MITF: variants seen among roughly 807,000 people sequenced by gnomAD.
MITF encodes the protein melanocyte inducing transcription factor, also known as microphthalmia-associated transcription factor.
In MITF, 17 loss-of-function variants were observed where a neutral mutation model predicts 60.5. The ratio of observed to expected loss-of-function variants is 0.28; its 90% CI spans 0.19 to 0.42. The LOEUF (loss-of-function observed/expected upper bound fraction) is 0.42, where lower values mean the gene tolerates loss of function less well. Among genes scored for constraint, MITF ranks in the 10% least tolerant of loss-of-function variants. MITF has a pLI of 1.00. For missense variants in MITF, 622 were observed against 683.5 expected (o/e 0.91, Z 1.00); for synonymous variants, 260 against 248.5 (o/e 1.05, Z -0.43).
At chr3:69,744,345 A>AT (rs372155531) in intron 1 of MITF, among the ~76,000 whole-genome samples, 3,034 of 120,972 alleles carry the variant, frequency 0.025, 94 homozygotes, top group African/African-American at 0.081. Flanking sequence ...AGTTTTCTTG[A>AT]TTTTTTTTTT....
intron 6 of MITF, among the ~76,000 whole-genome samples, chr3:69,949,687 GA>G (rs967365094): frequency 1.3e-5 from 2 of 152,148 alleles, no homozygotes; most frequent in African/African-American, 2.4e-5. Context: ...ACACAGAGGG[GA>G]AAAAATTATA....
At chr3:69,812,307 A>G (rs1205652203) in intron 1 of MITF, among the ~76,000 whole-genome samples, 2 of 152,098 alleles carry the variant, frequency 1.3e-5, no homozygotes, top group Non-Finnish European at 1.5e-5. Context: ...TGAAAAAAAA[A>G]TAGATTATAG....
chr3:69,785,329 T>G (rs995882943), intron 1 of MITF, among the ~76,000 whole-genome samples: 2 of 152,152 alleles, frequency 1.3e-5, no homozygotes, highest in African/African-American at 4.8e-5. Context: ...TTACTGATGC[T>G]TCCCATGTGC....
chr3:69,756,120 G>T (rs757010610), intron 1 of MITF, among the ~76,000 whole-genome samples: 2 of 151,918 alleles, frequency 1.3e-5, no homozygotes, highest in Non-Finnish European at 1.5e-5. Context: ...TGGGGTATAT[G>T]TGGCAAGTTT....
intron 2 of MITF, among the ~76,000 whole-genome samples, chr3:69,888,655 A>C (rs1487911993): frequency 1.3e-5 from 2 of 152,114 alleles, no homozygotes; most frequent in Admixed American, 1.3e-4. Flanking sequence ...GTTGATTTAA[A>C]ATAATGCCTG....
At position 69,954,053 on chromosome 3, in the gene MITF, T is replaced by C. The variant is rs974351367; in HGVS notation, c.955+2167T>C. Among the ~76,000 whole-genome samples the C allele has an allele frequency of 2.6e-5, 4 of 152,202 alleles. No homozygotes were observed. The East Asian group carries it at 7.7e-4, about 29-fold the overall frequency. ...TTACTTTTTCTTTAATACACCTTTG[T>C]ATTTTTTGAAATTTTTTACTAGCTT... is the stretch of plus-strand genomic sequence containing the variant. On this transcript the variant is annotated intron_variant, in intron 7 of 9. Transcript: ENST00000352241.
chr3:69,875,759 T>C (rs13315220), intron 1 of MITF, among the ~76,000 whole-genome samples: 5,068 of 152,328 alleles, frequency 0.033, 265 homozygotes, highest in African/African-American at 0.11. Context: ...CAGATATCCT[T>C]GTTTTTGTCT....
intron 1 of MITF, among the ~76,000 whole-genome samples, chr3:69,834,715 G>A (rs1418996285): frequency 6.6e-6 from 1 of 152,030 alleles, no homozygotes; most frequent in Non-Finnish European, 1.5e-5. Context: ...GGATTATATG[G>A]TAGTTATATT....
At position 69,854,128 on chromosome 3, in the gene MITF, G is replaced by A. The variant is rs149278628; in HGVS notation, c.105-25006G>A. Among the ~76,000 whole-genome samples, 828 of 152,164 alleles carry A rather than the reference G, an allele frequency of 5.4e-3. 8 individuals carry two copies. Among genetic ancestry groups the A allele is most frequent in the Middle Eastern group, 0.014 (4 of 294 alleles). On this transcript the variant is annotated intron_variant, in intron 1 of 9. Transcript: ENST00000352241. ...CTCCCAAAGTGCTGGGATTACAGGC[G>A]TGAGCCACCGAGCCCAGCTGATCAC...
At chr3:69,904,842 A>G (rs923002564) in intron 2 of MITF, among the ~76,000 whole-genome samples, 2 of 152,138 alleles carry the variant, frequency 1.3e-5, no homozygotes, top group African/African-American at 4.8e-5. Context: ...TCCTTTGTAA[A>G]ATGGGAATAA....
At chr3:69,840,355 T>C (rs1172974243) in intron 1 of MITF, among the ~76,000 whole-genome samples, 1 of 152,168 alleles carries the variant, frequency 6.6e-6, no homozygotes, top group African/African-American at 2.4e-5. Context: ...ATCCATCGTG[T>C]CACATATACA....
intron 1 of MITF, among the ~76,000 whole-genome samples, chr3:69,878,242 CAG>C (rs2064399291): frequency 6.6e-6 from 1 of 152,082 alleles, no homozygotes; most frequent in African/African-American, 2.4e-5. Context: ...GATACTAAGA[CAG>C]AGAGAGATTT....
At chr3:69,944,234 T>C (rs1327488191) in intron 5 of MITF, among the ~76,000 whole-genome samples, 2 of 152,190 alleles carry the variant, frequency 1.3e-5, no homozygotes, top group African/African-American at 4.8e-5. Flanking sequence ...TTTATGGATA[T>C]GCCTAATAGG....
chr3:69,884,906 C>G (rs1047939157), intron 2 of MITF, among the ~76,000 whole-genome samples: 2 of 152,114 alleles, frequency 1.3e-5, no homozygotes, highest in African/African-American at 4.8e-5. Flanking sequence ...AAATATTCAG[C>G]CTTTACACAA....
chr3:69,833,505 A>C (rs1489737801), intron 1 of MITF, among the ~76,000 whole-genome samples: 1 of 151,238 alleles, frequency 6.6e-6, no homozygotes, highest in Non-Finnish European at 1.5e-5. Flanking sequence ...CCCCGTTTAC[A>C]CTGTATGTGG....
At chr3:69,805,403 G>C (rs1205410936) in intron 1 of MITF, among the ~76,000 whole-genome samples, 2 of 152,156 alleles carry the variant, frequency 1.3e-5, no homozygotes, top group African/African-American at 4.8e-5. Context: ...GAGCAAAAAA[G>C]AATGAGGCCT....
intron 5 of MITF, 105 bp downstream of exon 5, chr3:69,941,436 A>G (rs1036476499): frequency 2.9e-6 from 2 of 699,824 alleles, no homozygotes; most frequent in African/African-American, 3.6e-5. Flanking sequence ...CACTGATTAA[A>G]TGTATTAATA....
intron 1 of MITF, among the ~76,000 whole-genome samples, chr3:69,772,396 A>T (rs1251184927): frequency 6.6e-6 from 1 of 152,190 alleles, no homozygotes; most frequent in African/African-American, 2.4e-5. Context: ...CATGCCAGAA[A>T]GTTTTTGGAG....
At chr3:69,900,163 G>A (rs1276664152) in intron 2 of MITF, among the ~76,000 whole-genome samples, 3 of 152,142 alleles carry the variant, frequency 2.0e-5, no homozygotes, top group Non-Finnish European at 4.4e-5. Flanking sequence ...CCTATTGGGA[G>A]TGGAGGCAGA....
Sources: allele counts gnomAD v4.1 joint callset (sites outside exome capture counted in the v4.1 genomes callset), GRCh38; gene constraint gnomAD v4.1.1; transcripts MANE v1.5; gene names NCBI Gene and HGNC (gene_info 2026-07-23, HGNC 2026-07-21).